Variants in IFIT3 observed in about 807,000 individuals in gnomAD.
The protein encoded by IFIT3 is interferon induced protein with tetratricopeptide repeats 3.
A neutral mutation model predicts 2.4 loss-of-function variants in IFIT3; 2 were observed. The observed-to-expected ratio is 0.82, with a 90% CI of 0.34 to 2.60. The LOEUF is 2.60. IFIT3 is among the 30% of genes most tolerant of loss of function. The pLI is 0.11. For synonymous variants in IFIT3, 203 were observed against 212.1 expected (o/e 0.96, Z 0.37); for missense variants, 481 against 562.4 (o/e 0.86, Z 1.46).
chr10:89,328,360 A>G (rs1403921344), intron 1 of IFIT3, among the ~76,000 whole-genome samples: 1 of 152,130 alleles, frequency 6.6e-6, no homozygotes, highest in Non-Finnish European at 1.5e-5. Flanking sequence ...GTGTGCAGCT[A>G]TTTCCTGCAA....
rs1299699069 is a variant in IFIT3, at chr10:89,339,693, A to T, written c.1038A>T (p.Thr346=). ...AEFLETECYQ[T]PFNKEVPDAE... is the part of the protein sequence containing the mutation. The stretch of plus-strand genomic sequence containing the variant: ...TCCTGGAGACGGAATGTTATCAGAC[A>T]CCATTCAATAAGGAAGTCCCTGATG... The change falls in exon 2 of 2, where the codon ACA becomes ACT. Residue 346 remains threonine (T), a synonymous_variant. Coordinates refer to ENST00000371818, the MANE Select transcript of IFIT3 (RefSeq NM_001549.6). The T allele has an allele frequency of 6.2e-7, 1 of 1,614,210 alleles. No homozygotes were observed. The highest frequency in any genetic ancestry group is 2.2e-5 in the East Asian group (1 of 44,882).
chr10:89,338,723 A>C lies in IFIT3; in HGVS notation c.68A>C (p.Asn23Thr). 6.2e-7 allele frequency: 1 copy of C among 1,613,970 alleles called. No individual in the cohort carries two copies. The highest frequency in any genetic ancestry group is 8.5e-7 in the Non-Finnish European group (1 of 1,179,852). Reference sequence around the variant, plus strand: ...CAGCTGAAATGCCATTTCACCTGGAACTTATTCAAGGAAGACAGTGTCTCA... The same window carrying C: ...CAGCTGAAATGCCATTTCACCTGGACCTTATTCAAGGAAGACAGTGTCTCA... ...LPQLKCHFTW[N>T]LFKEDSVSRD... Residue 23 changes from asparagine to threonine, a missense_variant, in exon 2 of 2, where the codon AAC becomes ACC. By Grantham distance (65) the Asn-to-Thr change is moderately conservative. Coordinates refer to ENST00000371818, the MANE Select transcript of IFIT3 (RefSeq NM_001549.6).
chr10:89,330,023 A>C (rs1332835498), intron 1 of IFIT3, among the ~76,000 whole-genome samples: 2 of 152,162 alleles, frequency 1.3e-5, no homozygotes, highest in Non-Finnish European at 2.9e-5. Flanking sequence ...CAGGAGAAGG[A>C]ATTTCACAAG....
rs12242568 is a variant in IFIT3 at position 89,340,284 on chromosome 10, C to T, written c.*156C>T. The stretch of plus-strand genomic sequence containing the variant: ...TTTAAAGAGTTGTTTTTTGGCCGGG[C>T]GCAGTGGCTCATGCCTGTAATCCCA... On this transcript the variant is annotated 3_prime_UTR_variant, in exon 2 of 2. Coordinates refer to ENST00000371818, the MANE Select transcript of IFIT3 (RefSeq NM_001549.6). The T allele has an allele frequency of 0.03, 21,964 of 725,346 alleles. 1,212 individuals carry two copies. The highest frequency in any genetic ancestry group is 0.19 in the African/African-American group (10,896 of 56,680). 44.9% of individuals were successfully genotyped at this position (725,346 alleles called of 1,614,324 possible).
chr10:89,328,167 G>C (rs1843617287), intron 1 of IFIT3, 89 bp downstream of exon 1: 2 of 1,243,672 alleles, frequency 1.6e-6, no homozygotes, highest in East Asian at 4.7e-5. Context: ...TTCCTGAATT[G>C]TCCTGATGTT....
At chr10:89,337,831 A>T (rs1843769181) in intron 1 of IFIT3, among the ~76,000 whole-genome samples, 1 of 152,244 alleles carries the variant, frequency 6.6e-6, no homozygotes, top group African/African-American at 2.4e-5. Flanking sequence ...GTGTCTGCAC[A>T]GACTGTAGCT....
intron 1 of IFIT3, chr10:89,335,651 C>A (rs1843726051): frequency 6.7e-6 from 1 of 149,210 alleles, no homozygotes; most frequent in Non-Finnish European, 1.5e-5. Flanking sequence ...CACCTGTCAT[C>A]CTGCAGGTCC....
In IFIT3 at chr10:89,331,236, G is replaced by A. The variant is rs368059014; in HGVS notation, c.5+3158G>A. 1.6e-4 allele frequency among the ~76,000 whole-genome samples: 25 copies of A among 152,224 alleles called. No individual in the cohort carries two copies. In the East Asian group the frequency reaches 3.1e-3, roughly 19 times the overall value. Reference sequence around the variant, plus strand: ...CACCCAGGCTGGAGTGCAGTGGCCCGATCATGGCTCACTGCAGCCTCAGAC... The same window carrying A: ...CACCCAGGCTGGAGTGCAGTGGCCCAATCATGGCTCACTGCAGCCTCAGAC... On this transcript the variant is annotated intron_variant, in intron 1 of 1. Coordinates refer to ENST00000371818, the MANE Select transcript of IFIT3 (RefSeq NM_001549.6).
Position 89,329,614 on chromosome 10 carries a change from C to T in IFIT3, c.5+1536C>T, listed in dbSNP as rs186197460. Among the ~76,000 whole-genome samples, 348 of 152,014 alleles carry T rather than the reference C, an allele frequency of 2.3e-3. 3 individuals are homozygous for T. The highest frequency in any genetic ancestry group is 1.0e-3 in the Non-Finnish European group (68 of 68,022). On this transcript the variant is annotated intron_variant, in intron 1 of 1. Coordinates refer to ENST00000371818, the MANE Select transcript of IFIT3 (RefSeq NM_001549.6). ...AAATCACCTGGAGAACTCACTGGCA[C>T]GTGCCAGCTGATGGGCATCCTCCTC... is the stretch of plus-strand genomic sequence containing the variant.
chr10:89,328,056 G>A lies in IFIT3; in HGVS notation c.-18G>A. 1 of 1,613,968 alleles carries A rather than the reference G, an allele frequency of 6.2e-7. No individual in the cohort carries two copies. Among genetic ancestry groups the A allele is most frequent in the Non-Finnish European group, 8.5e-7 (1 of 1,179,868 alleles). On this transcript the variant is annotated 5_prime_UTR_variant, in exon 1 of 2. Coordinates refer to ENST00000371818, the MANE Select transcript of IFIT3 (RefSeq NM_001549.6). ...TGGTCACCAGCTTTTCGGAACAGCA[G>A]AGACACAGAGGGCAGTCATGAGGTC...
chr10:89,340,557 C>CG lies in IFIT3; in HGVS notation c.*429_*430insG, dbSNP rs758051343. The CG allele has an allele frequency of 8.2e-5, 5 of 60,648 alleles. No individual in the cohort carries two copies. Among genetic ancestry groups the CG allele is most frequent in the Middle Eastern group, 8.8e-3 (1 of 114 alleles). The allele number at this position is 60,648 out of a possible 1,614,324, so 3.8% of individuals were successfully genotyped here. ...TGGGCAACAGAGCAAGACTCCATCT[C>CG]AAAAAAAAAAAAAAAAAAAAAAAAG... On this transcript the variant is annotated 3_prime_UTR_variant, in exon 2 of 2. Transcript: ENST00000371818.
chr10:89,340,610 C>T lies in IFIT3; in HGVS notation c.*482C>T, dbSNP rs1698791389. ...TTGTTTTCTCATGTTCATTATAGTT[C>T]ATTACAGTTACATAGTCCGAAGGTC... is the stretch of plus-strand genomic sequence containing the variant. On this transcript the variant is annotated 3_prime_UTR_variant, in exon 2 of 2. Coordinates refer to ENST00000371818, the MANE Select transcript of IFIT3 (RefSeq NM_001549.6). 6.8e-6 allele frequency: 1 copy of T among 146,590 alleles called. No individual in the cohort carries two copies. The highest frequency in any genetic ancestry group is 2.5e-5 in the African/African-American group (1 of 39,492). The allele number at this position is 146,590 out of a possible 1,614,324, so 9.1% of individuals were successfully genotyped here. A position where few individuals can be genotyped will look rare whatever the true frequency, so the allele number is the denominator to read the frequency against.
In IFIT3 at chr10:89,339,889, C is replaced by A. The variant is rs199859461; in HGVS notation, c.1234C>A (p.Gln412Lys). ...PQNVSENLLP[Q>K]NAPNYWYLQG... is the part of the protein sequence containing the mutation. ...GAATGTATCTGAAAATCTGCTTCCA[C>A]AAAATGCACCAAATTATTGGTATCT... The change falls in exon 2 of 2, where the codon CAA becomes AAA. Residue 412 changes from glutamine (Q) to lysine (K), a missense_variant. Transcript: ENST00000371818. 6.2e-7 allele frequency: 1 copy of A among 1,614,130 alleles called. No homozygotes were observed. Among genetic ancestry groups the A allele is most frequent in the Non-Finnish European group, 8.5e-7 (1 of 1,179,984 alleles).
chr10:89,339,285 G>T lies in IFIT3; in HGVS notation c.630G>T (p.Lys210Asn), dbSNP rs1420321078. The change falls in exon 2 of 2, where the codon AAG (lysine) becomes AAT (asparagine). Residue 210 changes from lysine to asparagine, a missense_variant. By Grantham distance (94) the Lys-to-Asn change is moderately conservative. Transcript: ENST00000371818. ...IELSPDNQYV[K>N]VLLGLKLQKM... Reference sequence around the variant, plus strand: ...TGAGTCCTGATAACCAATACGTCAAGGTTCTCTTGGGCCTGAAACTGCAGA... The same window carrying T: ...TGAGTCCTGATAACCAATACGTCAATGTTCTCTTGGGCCTGAAACTGCAGA... 3 of 1,614,038 alleles carry T rather than the reference G, an allele frequency of 1.9e-6. No individual in the cohort carries two copies. Among genetic ancestry groups the T allele is most frequent in the East Asian group, 2.2e-5 (1 of 44,898 alleles).
intron 1 of IFIT3, among the ~76,000 whole-genome samples, chr10:89,333,511 G>C (rs1045940842): frequency 1.3e-5 from 2 of 152,114 alleles, no homozygotes; most frequent in Non-Finnish European, 2.9e-5. Flanking sequence ...AGAGGCAGGA[G>C]GGGGGAGGGG....
At chr10:89,329,158 A>G (rs1173579993) in intron 1 of IFIT3, among the ~76,000 whole-genome samples, 1 of 152,186 alleles carries the variant, frequency 6.6e-6, no homozygotes, top group African/African-American at 2.4e-5. Flanking sequence ...GGAAGACCCC[A>G]TCGACCATTC....
At chr10:89,334,026 G>A (rs1201445630) in intron 1 of IFIT3, among the ~76,000 whole-genome samples, 1 of 152,206 alleles carries the variant, frequency 6.6e-6, no homozygotes. Flanking sequence ...GTTCCTTCAC[G>A]TAGTCAGTTG....
At chr10:89,332,523 C>T (rs963121046) in intron 1 of IFIT3, 3 of 1,610,770 alleles carry the variant, frequency 1.9e-6, no homozygotes, top group Admixed American at 3.3e-5. Flanking sequence ...CCTAACAGCA[C>T]CCTGGGTGGA....
At chr10:89,329,347 TG>T (rs1843628097) in intron 1 of IFIT3, among the ~76,000 whole-genome samples, 1 of 152,178 alleles carries the variant, frequency 6.6e-6, no homozygotes, top group Admixed American at 6.5e-5. Context: ...ATGTTAATTG[TG>T]TCTGTGTGAG....
Sources: gnomAD v4.1 joint callset for allele counts (sites outside exome capture counted in the v4.1 genomes callset) on GRCh38, gnomAD v4.1.1 for gene constraint, MANE v1.5 for transcripts, NCBI Gene and HGNC (gene_info 2026-07-23, HGNC 2026-07-21) for gene names.